The following ATP7A variants were observed in gnomAD, a reference collection of about 807,000 sequenced individuals.
ATP7A encodes ATPase copper transporting alpha.
ATP7A carries 7 observed loss-of-function variants against 83.5 expected under a neutral mutation model. The ratio of observed to expected loss-of-function variants is 0.08; its 90% CI spans 0.05 to 0.16. The LOEUF (loss-of-function observed/expected upper bound fraction) is 0.16, where lower values mean the gene tolerates loss of function less well. ATP7A is among the 10% of genes least tolerant of loss of function. The pLI, the probability that ATP7A is intolerant of heterozygous loss-of-function variation, is 1.00. For missense variants in ATP7A, 940 were observed against 1,120.8 expected, an observed-to-expected ratio of 0.84 and a Z score of 2.30; for synonymous variants, 354 against 395.2, an observed-to-expected ratio of 0.90 and a Z score of 1.24.
At chrX:77,944,436 A>C (rs1378655016) in intron 1 of ATP7A, among the ~76,000 whole-genome samples, 6 of 111,038 alleles carry the variant, frequency 5.4e-5, no homozygotes, top group African/African-American at 2.0e-4. Context: ...AGGCCAAGTG[A>C]TATTTTTAAT....
chrX:77,993,642 A>G (rs1176287352), intron 4 of ATP7A, among the ~76,000 whole-genome samples: 1 of 111,867 alleles, frequency 8.9e-6, no homozygotes, highest in Non-Finnish European at 1.9e-5. Flanking sequence ...TGGAGCATAT[A>G]TAGAAACCTC....
chrX:77,944,165 C>G (rs970641496), intron 1 of ATP7A, among the ~76,000 whole-genome samples: 1 of 112,258 alleles, frequency 8.9e-6, no homozygotes, highest in Non-Finnish European at 1.9e-5. Context: ...ATTTAAATTT[C>G]TCAAATTTGT....
chrX:78,017,578 C>T (rs1170195902), intron 12 of ATP7A, among the ~76,000 whole-genome samples: 1 of 110,964 alleles, frequency 9.0e-6, no homozygotes, highest in Non-Finnish European at 1.9e-5. Flanking sequence ...ACATAAGTTC[C>T]AATTTCAAAC....
intron 1 of ATP7A, among the ~76,000 whole-genome samples, chrX:77,950,533 A>G (rs1569549077): frequency 8.9e-6 from 1 of 111,783 alleles, no homozygotes; most frequent in Non-Finnish European, 1.9e-5. Flanking sequence ...TGAGCAATCT[A>G]CTGGGGGAAT....
intron 1 of ATP7A, among the ~76,000 whole-genome samples, chrX:77,916,342 G>A: frequency 1.1e-5 from 1 of 94,677 alleles, no homozygotes; most frequent in South Asian, 5.4e-4. Flanking sequence ...GTGACAGAGT[G>A]AGACCCTGTC....
intron 2 of ATP7A, among the ~76,000 whole-genome samples, chrX:77,984,904 T>C (rs2077626478): frequency 8.9e-6 from 1 of 112,351 alleles, no homozygotes. Flanking sequence ...AGCATGCAAA[T>C]AGCGTAGGGT....
chrX:78,004,776 G>A lies in ATP7A; in HGVS notation c.1707+1540G>A, dbSNP rs781874670. Among the ~76,000 whole-genome samples the A allele has an allele frequency of 2.0e-4, 22 of 111,645 alleles. No homozygotes were observed. In the South Asian group the frequency reaches 6.0e-3, roughly 30 times the overall value. ...CATGCGCCTGTAATCCCAGCTACTC[G>A]GGAGGCTGAGGCATGAGAATTGTTT... On this transcript the variant is annotated intron_variant, in intron 6 of 22. Coordinates refer to ENST00000341514, the MANE Select transcript of ATP7A (RefSeq NM_000052.7).
intron 1 of ATP7A, among the ~76,000 whole-genome samples, chrX:77,966,149 C>T (rs868955757): frequency 2.7e-5 from 3 of 112,143 alleles, no homozygotes; most frequent in African/African-American, 6.5e-5. Flanking sequence ...TTATATAATA[C>T]GTGAACTACA....
At chrX:78,021,169 A>C in intron 14 of ATP7A, 90 bp downstream of exon 14, 2 of 968,732 alleles carry the variant, frequency 2.1e-6, no homozygotes, top group Admixed American at 4.5e-5. Context: ...TTTAATAATT[A>C]CCAGGATCTT....
Position 77,920,413 on chromosome X carries a change from T to A in ATP7A, c.-22+9578T>A, listed in dbSNP as rs1024919009. Among the ~76,000 whole-genome samples the A allele has an allele frequency of 6.4e-5, 7 of 109,666 alleles. No homozygotes were observed. The South Asian group carries it at 2.8e-3, about 43-fold the overall frequency. On this transcript the variant is annotated intron_variant, in intron 1 of 22. Coordinates refer to ENST00000341514, the MANE Select transcript of ATP7A (RefSeq NM_000052.7). ...TTTGTATTTTTAGTAGAGACTGGGT[T>A]TCAACATGTTAGCCAGGATGGTCTT...
At chrX:77,916,245 C>T (rs2077184538) in intron 1 of ATP7A, among the ~76,000 whole-genome samples, 1 of 106,711 alleles carries the variant, frequency 9.4e-6, no homozygotes, top group Non-Finnish European at 1.9e-5. Context: ...GTCCCAGCTA[C>T]TGGGGAGGCT....
chrX:78,044,255 CA>C (rs782578875), intron 21 of ATP7A, among the ~76,000 whole-genome samples: 6 of 61,764 alleles, frequency 9.7e-5, no homozygotes, highest in Non-Finnish European at 1.1e-4. Flanking sequence ...ACTCCGTCTC[CA>C]AAAAAAAAAA....
At chrX:78,007,350 G>T (rs1009701030) in intron 6 of ATP7A, among the ~76,000 whole-genome samples, 2 of 109,751 alleles carry the variant, frequency 1.8e-5, no homozygotes, top group African/African-American at 3.3e-5. Flanking sequence ...TTTTGAGACG[G>T]AGTCTCGCTC....
At chrX:77,922,341 C>CA (rs1438653996) in intron 1 of ATP7A, among the ~76,000 whole-genome samples, 3 of 109,970 alleles carry the variant, frequency 2.7e-5, no homozygotes, top group African/African-American at 9.9e-5. Flanking sequence ...CTCATCTCTA[C>CA]AAAAAATAAA....
At chrX:77,943,601 T>TA in intron 1 of ATP7A, among the ~76,000 whole-genome samples, 1 of 111,767 alleles carries the variant, frequency 8.9e-6, no homozygotes, top group Non-Finnish European at 1.9e-5. Context: ...AATAAGAAAT[T>TA]AAAAAAATAA....
chrX:78,050,238 AT>A lies in ATP7A; in HGVS notation c.*3670del, dbSNP rs782761330. On this transcript the variant is annotated 3_prime_UTR_variant, in exon 23 of 23. Transcript: ENST00000341514. ...AATGTTTAGCTAAACGTTGTTGAAC[AT>A]TGATTGTTTGGTACCGAAAACAGCA... 10 of 112,334 alleles carry A rather than the reference AT, an allele frequency of 8.9e-5. No individual in the cohort carries two copies. The highest frequency in any genetic ancestry group is 1.9e-4 in the Non-Finnish European group (10 of 53,233). The allele number at this position is 112,334 out of a possible 1,213,427, so 9.3% of individuals were successfully genotyped here. A position where few individuals can be genotyped will look rare whatever the true frequency, so the allele number is the denominator to read the frequency against.
intron 1 of ATP7A, among the ~76,000 whole-genome samples, chrX:77,962,180 G>A (rs1052950332): frequency 1.8e-5 from 2 of 111,765 alleles, no homozygotes; most frequent in Non-Finnish European, 3.8e-5. Context: ...GGCTGCTCTG[G>A]TCGGATTCTG....
chrX:77,995,007 A>G (rs1233225824), intron 4 of ATP7A, among the ~76,000 whole-genome samples: 8 of 112,140 alleles, frequency 7.1e-5, no homozygotes, highest in African/African-American at 2.6e-4. Context: ...AAACCTTGGC[A>G]TAGTGAATGT....
At chrX:77,969,520 C>T (rs782169704) in intron 1 of ATP7A, 3 of 1,211,188 alleles carry the variant, frequency 2.5e-6, no homozygotes, top group Non-Finnish European at 3.4e-6. Context: ...CTGCCCGCCG[C>T]GCTTCGCCTC....
Sources: allele counts gnomAD v4.1 joint callset (sites outside exome capture counted in the v4.1 genomes callset), GRCh38; gene constraint gnomAD v4.1.1; transcripts MANE v1.5; gene names NCBI Gene and HGNC (gene_info 2026-07-23, HGNC 2026-07-21).